ADAMTS17: variants seen among roughly 807,000 people sequenced by gnomAD.
ADAMTS17 encodes the protein ADAM metallopeptidase with thrombospondin type 1 motif 17.
ADAMTS17 carries 113 observed loss-of-function variants against 141.5 expected under a neutral mutation model. The ratio of observed to expected loss-of-function variants is 0.80; its 90% CI spans 0.69 to 0.93. ADAMTS17 has a LOEUF of 0.93. Ranked by LOEUF, ADAMTS17 falls within the 40% of genes least tolerant of loss-of-function variation. The pLI, the probability that ADAMTS17 is intolerant of heterozygous loss-of-function variation, is 0.00. For missense variants in ADAMTS17, 1,659 were observed against 1,517.9 expected (o/e 1.09, Z -1.54); for synonymous variants, 768 against 630.6 (o/e 1.22, Z -3.27).
At chr15:100,196,163 T>C (rs1373205090) in intron 8 of ADAMTS17, among the ~76,000 whole-genome samples, 2 of 152,236 alleles carry the variant, frequency 1.3e-5, no homozygotes, top group Non-Finnish European at 2.9e-5. Context: ...TAATTACAAC[T>C]TAGGACCTAT....
At chr15:100,152,786 G>C in intron 9 of ADAMTS17, 24 bp from the exon 10 acceptor site, 1 of 1,613,900 alleles carries the variant, frequency 6.2e-7, no homozygotes, top group Non-Finnish European at 8.5e-7. Context: ...GAGGCAAGTT[G>C]ACTTGCAAAT....
intron 13 of ADAMTS17, among the ~76,000 whole-genome samples, chr15:100,115,326 C>T (rs1223549409): frequency 6.6e-6 from 1 of 152,224 alleles, no homozygotes; most frequent in Non-Finnish European, 1.5e-5. Flanking sequence ...TCTAGGAGGG[C>T]AGGTCTCCCC....
intron 18 of ADAMTS17, among the ~76,000 whole-genome samples, chr15:100,003,526 A>T (rs115394082): frequency 0.012 from 1,866 of 152,202 alleles, 84 homozygotes; most frequent in African/African-American, 0.041. Flanking sequence ...AGAATGATGC[A>T]TAGCCACTGA....
At chr15:100,105,647 T>C (rs1485487475) in intron 14 of ADAMTS17, among the ~76,000 whole-genome samples, 1 of 152,184 alleles carries the variant, frequency 6.6e-6, no homozygotes, top group African/African-American at 2.4e-5. Flanking sequence ...ATGAATGTGC[T>C]GGTGCCTTTG....
intron 15 of ADAMTS17, among the ~76,000 whole-genome samples, chr15:100,066,454 C>T (rs1250164910): frequency 6.6e-6 from 1 of 151,810 alleles, no homozygotes; most frequent in Non-Finnish European, 1.5e-5. Context: ...ATTTTTTTCT[C>T]ACCATTTCTT....
At chr15:100,256,594 C>T (rs2043334947) in intron 6 of ADAMTS17, 1 of 152,220 alleles carries the variant, frequency 6.6e-6, no homozygotes, top group African/African-American at 2.4e-5. Flanking sequence ...GCAAGAGGGT[C>T]CCCTGGCAGA....
At chr15:100,340,235 G>A (rs75903901) in intron 2 of ADAMTS17, among the ~76,000 whole-genome samples, 8,885 of 152,276 alleles carry the variant, frequency 0.058, 314 homozygotes, top group South Asian at 0.13. Flanking sequence ...TCAAGTGTGC[G>A]CGCAGGCAGG....
At chr15:100,035,883 A>C (rs1169295658) in intron 18 of ADAMTS17, among the ~76,000 whole-genome samples, 1 of 152,162 alleles carries the variant, frequency 6.6e-6, no homozygotes, top group East Asian at 1.9e-4. Context: ...TGCTGAAATA[A>C]CATGCAGAGA....
intron 12 of ADAMTS17, chr15:100,129,191 A>T (rs1031049739): frequency 6.6e-6 from 1 of 152,172 alleles, no homozygotes; most frequent in African/African-American, 2.4e-5. Flanking sequence ...TGCCAAGAAG[A>T]CCAGTCTTCC....
chr15:100,158,448 G>A (rs1452226563), intron 8 of ADAMTS17, among the ~76,000 whole-genome samples: 1 of 152,082 alleles, frequency 6.6e-6, no homozygotes, highest in African/African-American at 2.4e-5. Flanking sequence ...GTATTTCACA[G>A]TGGTAAAAAC....
At chr15:100,109,690 A>T (rs760205430) in intron 13 of ADAMTS17, among the ~76,000 whole-genome samples, 1 of 152,136 alleles carries the variant, frequency 6.6e-6, no homozygotes, top group Admixed American at 6.5e-5. Flanking sequence ...AGGACAACTT[A>T]TAAGAGCCGC....
At chr15:100,050,754 A>C (rs986271302) in intron 17 of ADAMTS17, among the ~76,000 whole-genome samples, 1 of 152,182 alleles carries the variant, frequency 6.6e-6, no homozygotes, top group Non-Finnish European at 1.5e-5. Context: ...GGCCTACCAG[A>C]GTCCAGGTCA....
At chr15:100,311,454 C>T (rs187108297) in intron 3 of ADAMTS17, among the ~76,000 whole-genome samples, 1 of 152,314 alleles carries the variant, frequency 6.6e-6, no homozygotes, top group Non-Finnish European at 1.5e-5. Context: ...CCAGTGTGCA[C>T]TTTAAATAAT....
At chr15:100,308,167 C>T (rs929578638) in intron 3 of ADAMTS17, among the ~76,000 whole-genome samples, 14 of 152,300 alleles carry the variant, frequency 9.2e-5, no homozygotes, top group South Asian at 2.1e-4. Context: ...AAACGGTCTC[C>T]GCTTTTTCTC....
chr15:100,090,150 C>G (rs1248207348), intron 15 of ADAMTS17, among the ~76,000 whole-genome samples: 2 of 152,120 alleles, frequency 1.3e-5, no homozygotes, highest in Non-Finnish European at 2.9e-5. Flanking sequence ...TTAGAGAAAT[C>G]CATTCCTTCT....
At chr15:100,031,079 G>A (rs2030115026) in intron 18 of ADAMTS17, among the ~76,000 whole-genome samples, 1 of 152,216 alleles carries the variant, frequency 6.6e-6, no homozygotes, top group Non-Finnish European at 1.5e-5. Context: ...TTCTATGACA[G>A]ATGTTCTCAT....
chr15:100,207,270 CT>C (rs2041610524), intron 7 of ADAMTS17, among the ~76,000 whole-genome samples: 1 of 152,220 alleles, frequency 6.6e-6, no homozygotes, highest in Non-Finnish European at 1.5e-5. Flanking sequence ...GAGAAGGCAG[CT>C]GTCGACAAGC....
chr15:100,024,011 C>T (rs1410979405), intron 18 of ADAMTS17, among the ~76,000 whole-genome samples: 2 of 152,210 alleles, frequency 1.3e-5, no homozygotes, highest in African/African-American at 4.8e-5. Context: ...TGATGTCATA[C>T]CACAAATCTT....
intron 3 of ADAMTS17, among the ~76,000 whole-genome samples, chr15:100,328,569 C>T (rs1215203942): frequency 6.6e-6 from 1 of 152,186 alleles, no homozygotes; most frequent in African/African-American, 2.4e-5. Flanking sequence ...GAAATTTCTC[C>T]CTACAGTCTT....
Sources: gnomAD v4.1 joint callset for allele counts (sites outside exome capture counted in the v4.1 genomes callset) on GRCh38, gnomAD v4.1.1 for gene constraint, MANE v1.5 for transcripts, NCBI Gene and HGNC (gene_info 2026-07-23, HGNC 2026-07-21) for gene names.